Variants in HMGN2 observed in about 807,000 individuals in gnomAD.
HMGN2 encodes the protein high mobility group nucleosomal binding domain 2.
A neutral mutation model predicts 16.9 loss-of-function variants in HMGN2; 2 were observed. The observed-to-expected ratio is 0.12, with a 90% CI of 0.05 to 0.37. The LOEUF (loss-of-function observed/expected upper bound fraction) is 0.37. Ranked by LOEUF, HMGN2 falls within the 10% of genes least tolerant of loss-of-function variation. The pLI is 1.00. For synonymous variants in HMGN2, 31 were observed against 34.9 expected (o/e 0.89, Z 0.39); for missense variants, 90 against 106.0 (o/e 0.85, Z 0.66).
intron 5 of HMGN2, 40 bp downstream of exon 5, chr1:26,474,707 C>A: frequency 1.0e-6 from 1 of 953,832 alleles, no homozygotes; most frequent in Non-Finnish European, 1.7e-6. Flanking sequence ...TTTGTTCATT[C>A]AGTTAGTTGC....
chr1:26,473,179 G>A, intron 1 of HMGN2: 1 of 402,400 alleles, frequency 2.5e-6, no homozygotes, highest in Non-Finnish European at 4.5e-6. Flanking sequence ...TAGCAACGGC[G>A]CTGGGCTCCG....
At chr1:26,473,856 C>G in intron 3 of HMGN2, 124 bp downstream of exon 3, 1 of 1,023,440 alleles carries the variant, frequency 9.8e-7, no homozygotes, top group Non-Finnish European at 1.5e-6. Context: ...CTACTTGGGA[C>G]TCTTGCCCCT....
intron 5 of HMGN2, 40 bp downstream of exon 5, chr1:26,474,707 C>T: frequency 1.0e-6 from 1 of 953,834 alleles, no homozygotes. Flanking sequence ...TTTGTTCATT[C>T]AGTTAGTTGC....
intron 3 of HMGN2, 84 bp from the exon 4 acceptor site, chr1:26,474,001 T>C: frequency 8.7e-7 from 1 of 1,147,288 alleles, no homozygotes; most frequent in Non-Finnish European, 1.3e-6. Context: ...TTCTCTACCC[T>C]TGGTACTTTT....
rs745603487 is a variant in HMGN2, at chr1:26,472,578, A to T, written c.-35A>T. ...CCGCGCGCCGCTGCATCCCGCGTCC[A>T]GCACCTACGTCCCGCTGCCGTCGCC... On this transcript the variant is annotated 5_prime_UTR_variant, in exon 1 of 6. Transcript: ENST00000361427. The T allele has an allele frequency of 2.9e-5, 44 of 1,535,492 alleles. 1 individual carries two copies. Among genetic ancestry groups the T allele is most frequent in the Middle Eastern group, 4.4e-4 (2 of 4,546 alleles).
Position 26,473,516 on chromosome 1 carries a change from G to A in HMGN2, c.49G>A (p.Val17Met). ...EGDAKGDKAK[V>M]KDEPQRRSAR... Reference sequence around the variant, plus strand: ...GGATGCTAAGGGAGATAAAGCAAAGGTGAAGGACGAAGTAAGTCATTCTCT... The same window carrying A: ...GGATGCTAAGGGAGATAAAGCAAAGATGAAGGACGAAGTAAGTCATTCTCT... Residue 17 changes from valine (V) to methionine (M), a missense_variant, in exon 2 of 6, where the codon GTG becomes ATG. Transcript: ENST00000361427. The A allele has an allele frequency of 6.2e-7, 1 of 1,613,294 alleles. No homozygotes were observed. Among genetic ancestry groups the A allele is most frequent in the Non-Finnish European group, 8.5e-7 (1 of 1,179,216 alleles).
chr1:26,472,551 G>C lies in HMGN2; in HGVS notation c.-62G>C. The C allele has an allele frequency of 1.3e-6, 2 of 1,532,450 alleles. No homozygotes were observed. The highest frequency in any genetic ancestry group is 1.7e-6 in the Non-Finnish European group (2 of 1,145,968). 94.9% of individuals were successfully genotyped at this position (1,532,450 alleles called of 1,614,324 possible). ...GAGAACGACCCCCGGACCGACCAAA[G>C]CCCGCGCGCCGCTGCATCCCGCGTC... On this transcript the variant is annotated 5_prime_UTR_variant, in exon 1 of 6. Coordinates refer to ENST00000361427, the MANE Select transcript of HMGN2 (RefSeq NM_005517.4).
At chr1:26,474,900 T>C (rs994457558) in intron 5 of HMGN2, 5 of 609,210 alleles carry the variant, frequency 8.2e-6, no homozygotes, top group Non-Finnish European at 1.5e-5. Flanking sequence ...AGGTCTCTTA[T>C]TCTGGTGTTC....
rs796828710 is a variant in HMGN2 at position 26,475,702 on chromosome 1, C to T, written c.*554C>T. 7 of 306,352 alleles carry T rather than the reference C, an allele frequency of 2.3e-5. No homozygotes were observed. Among genetic ancestry groups the T allele is most frequent in the Admixed American group, 1.8e-4 (4 of 21,786 alleles). 19.0% of individuals were successfully genotyped at this position (306,352 alleles called of 1,614,324 possible). On this transcript the variant is annotated 3_prime_UTR_variant, in exon 6 of 6. Coordinates refer to ENST00000361427, the MANE Select transcript of HMGN2 (RefSeq NM_005517.4). ...AAATTCTGCCATTTTCATTTCACTT[C>T]CTGAAAGTCAGGGTCGGCTTGTGAA...
intron 1 of HMGN2, chr1:26,473,079 C>CA (rs1253439868): frequency 3.9e-6 from 1 of 253,404 alleles, no homozygotes; most frequent in African/African-American, 2.3e-5. Context: ...CCCCCTCGCC[C>CA]ACGTTCCCCG....
chr1:26,472,668 C>G, intron 1 of HMGN2, 41 bp downstream of exon 1: 1 of 1,486,636 alleles, frequency 6.7e-7, no homozygotes, highest in Non-Finnish European at 8.9e-7. Context: ...CCACCACTGC[C>G]GCCACCGCCG....
chr1:26,473,172 C>T, intron 1 of HMGN2: 1 of 366,940 alleles, frequency 2.7e-6, no homozygotes, highest in Non-Finnish European at 5.0e-6. Context: ...GCTGCCATAG[C>T]AACGGCGCTG....
Position 26,476,294 on chromosome 1 carries a change from C to G in HMGN2, c.*1146C>G, listed in dbSNP as rs2075608679. Among the ~76,000 whole-genome samples, 1 of 152,164 alleles carries G rather than the reference C, an allele frequency of 6.6e-6. No individual in the cohort carries two copies. Among genetic ancestry groups the G allele is most frequent in the South Asian group, 2.1e-4 (1 of 4,832 alleles). On this transcript the variant is annotated 3_prime_UTR_variant, in exon 6 of 6. Transcript: ENST00000361427. The stretch of plus-strand genomic sequence containing the variant: ...ATTTTTGGTAGATCTGCGGTTTTGG[C>G]TGGGTAGCTGACAGGAGCCTCTCTA...
At position 26,472,504 on chromosome 1, in the gene HMGN2, C is replaced by G. The variant is rs963406922; in HGVS notation, c.-109C>G. 2.0e-5 allele frequency: 27 copies of G among 1,321,068 alleles called. No homozygotes were observed. The highest frequency in any genetic ancestry group is 1.3e-5 in the South Asian group (1 of 79,766). The allele number at this position is 1,321,068 out of a possible 1,614,324, so 81.8% of individuals were successfully genotyped here. On this transcript the variant is annotated 5_prime_UTR_variant, in exon 1 of 6. Transcript: ENST00000361427. ...AAAAACTTTATAAACCCCCCGGAGC[C>G]CGAGCAGTGTGAAGAAGAGGCGAGA... is the stretch of plus-strand genomic sequence containing the variant.
chr1:26,473,930 C>G, intron 3 of HMGN2, 155 bp from the exon 4 acceptor site: 1 of 797,210 alleles, frequency 1.3e-6, no homozygotes, highest in African/African-American at 1.7e-5. Context: ...GAGTGGGCTT[C>G]TGGAAATCCA....
Position 26,476,527 on chromosome 1 carries a change from G to C in HMGN2, c.*1379G>C, listed in dbSNP as rs2075609976. Among the ~76,000 whole-genome samples the C allele has an allele frequency of 6.6e-6, 1 of 152,148 alleles. No homozygotes were observed. The highest frequency in any genetic ancestry group is 1.5e-5 in the Non-Finnish European group (1 of 68,034). On this transcript the variant is annotated 3_prime_UTR_variant, in exon 6 of 6. Transcript: ENST00000361427. Reference sequence around the variant, plus strand: ...ACCCCACGTTTCTCTAAGTGAAATGGCAAGAAGTTATTTGTTAGAATATGG... The same window carrying C: ...ACCCCACGTTTCTCTAAGTGAAATGCCAAGAAGTTATTTGTTAGAATATGG...
chr1:26,475,073 G>A (rs1397877953), intron 5 of HMGN2, 40 bp from the exon 6 acceptor site: 2 of 1,566,556 alleles, frequency 1.3e-6, no homozygotes, highest in Non-Finnish European at 1.8e-6. Flanking sequence ...AGATAGTTTT[G>A]AAATCTACGC....
At chr1:26,474,196 A>C in intron 4 of HMGN2, 61 bp downstream of exon 4, 1 of 1,247,190 alleles carries the variant, frequency 8.0e-7, no homozygotes, top group Non-Finnish European at 1.1e-6. Context: ...TAGTGCCTTA[A>C]CTTAATTAGC....
Position 26,474,118 on chromosome 1 carries a change from A to C in HMGN2, c.124A>C (p.Lys42Gln). 1.2e-6 allele frequency: 2 copies of C among 1,608,066 alleles called. No homozygotes were observed. Among genetic ancestry groups the C allele is most frequent in the Non-Finnish European group, 1.7e-6 (2 of 1,177,618 alleles). The change falls in exon 4 of 6, where the codon AAA (lysine) becomes CAA (glutamine). Residue 42 changes from lysine to glutamine, a missense_variant. By Grantham distance (53) the Lys-to-Gln change is moderately conservative. Transcript: ENST00000361427. The stretch of plus-strand genomic sequence containing the variant: ...TCCTCCAAAGCCAGAGCCCAAGCCT[A>C]AAAAGGCCCCTGCAAAGGTAAGTGC... ...PAPPKPEPKP[K>Q]KAPAKKGEKV...
Sources: allele counts gnomAD v4.1 joint callset (sites outside exome capture counted in the v4.1 genomes callset), GRCh38; gene constraint gnomAD v4.1.1; transcripts MANE v1.5; gene names NCBI Gene and HGNC (gene_info 2026-07-23, HGNC 2026-07-21).